The following KRIT1 variants were observed in gnomAD, a reference collection of about 807,000 sequenced individuals.
KRIT1 encodes the protein krev interaction trapped protein 1.
KRIT1 carries 45 observed loss-of-function variants against 95.8 expected under a neutral mutation model. That is an observed-to-expected ratio of 0.47 (90% confidence interval 0.37 to 0.60). KRIT1 has a LOEUF of 0.60. KRIT1 is among the 20% of genes least tolerant of loss of function. The pLI, the probability that KRIT1 is intolerant of heterozygous loss-of-function variation, is 0.00. For synonymous variants in KRIT1, 282 were observed against 278.8 expected (o/e 1.01, Z -0.11); for missense variants, 788 against 877.5 (o/e 0.90, Z 1.29).
chr7:92,212,052 C>T (rs1792974882), intron 17 of KRIT1, among the ~76,000 whole-genome samples: 1 of 152,064 alleles, frequency 6.6e-6, no homozygotes, highest in South Asian at 2.1e-4. Flanking sequence ...CTGCAGTGAG[C>T]TATGATTGCA....
At position 92,200,058 on chromosome 7, in the gene KRIT1, T is replaced by A. The variant is rs1346873274; in HGVS notation, c.*678A>T. 2.0e-5 allele frequency: 3 copies of A among 152,796 alleles called. No individual in the cohort carries two copies. The East Asian group carries it at 5.8e-4, about 29-fold the overall frequency. The allele number at this position is 152,796 out of a possible 1,614,324, so 9.5% of individuals were successfully genotyped here. A position where few individuals can be genotyped will look rare whatever the true frequency, so the allele number is the denominator to read the frequency against. On this transcript the variant is annotated 3_prime_UTR_variant, in exon 19 of 19. Coordinates refer to ENST00000394505, the MANE Select transcript of KRIT1 (RefSeq NM_194454.3). ...TTCTTTATTCAAATCATGTTGACGT[T>A]CAGTATATTTTGAAATACACATGAA...
chr7:92,216,599 A>G (rs1466260880), intron 14 of KRIT1, among the ~76,000 whole-genome samples: 1 of 152,140 alleles, frequency 6.6e-6, no homozygotes, highest in Non-Finnish European at 1.5e-5. Flanking sequence ...TTATTCTTAG[A>G]AGATGCACGT....
At position 92,207,534 on chromosome 7, in the gene KRIT1, A is replaced by G. The variant is rs1791833156; in HGVS notation, c.2025+5661T>C. On this transcript the variant is annotated intron_variant, in intron 17 of 18. Transcript: ENST00000394505. ...TGGATCAAAATAAATTAACAAAAAA[A>G]CACTGGATTTAAACTGCACTTTAGA... 3.3e-5 allele frequency among the ~76,000 whole-genome samples: 5 copies of G among 152,216 alleles called. No individual in the cohort carries two copies. The South Asian group carries it at 1.0e-3, about 31-fold the overall frequency.
chr7:92,243,635 T>C (rs1300376266), intron 3 of KRIT1, among the ~76,000 whole-genome samples: 1 of 152,140 alleles, frequency 6.6e-6, no homozygotes, highest in Non-Finnish European at 1.5e-5. Flanking sequence ...CCCTAAATAA[T>C]AATTAAAAAG....
chr7:92,228,668 G>A (rs931062146), intron 10 of KRIT1, among the ~76,000 whole-genome samples: 7 of 152,108 alleles, frequency 4.6e-5, no homozygotes, highest in South Asian at 2.1e-4. Context: ...GGGGTGTGTC[G>A]TACAGATTAT....
chr7:92,226,020 A>C (rs1175082356), intron 11 of KRIT1, among the ~76,000 whole-genome samples, 193 bp from the exon 12 acceptor site: 1 of 152,220 alleles, frequency 6.6e-6, no homozygotes, highest in Non-Finnish European at 1.5e-5. Flanking sequence ...TCAAAGCACT[A>C]ATCAATGTGA....
chr7:92,230,085 T>C (rs1796972713), intron 10 of KRIT1, among the ~76,000 whole-genome samples: 1 of 152,148 alleles, frequency 6.6e-6, no homozygotes, highest in Non-Finnish European at 1.5e-5. Flanking sequence ...ATAATAAAAA[T>C]AATACAAACA....
chr7:92,225,573 G>T (rs1212023173), intron 12 of KRIT1, 147 bp downstream of exon 12: 1 of 645,072 alleles, frequency 1.6e-6, no homozygotes, highest in South Asian at 1.7e-5. Flanking sequence ...GATTACAGGT[G>T]TGAGCCACCA....
chr7:92,244,485 T>C (rs1800417082), intron 2 of KRIT1, among the ~76,000 whole-genome samples: 2 of 152,234 alleles, frequency 1.3e-5, no homozygotes, highest in Admixed American at 6.5e-5. Flanking sequence ...CCAAATACTT[T>C]TTTACCATAT....
chr7:92,238,771 T>G (rs1798960618), intron 5 of KRIT1, among the ~76,000 whole-genome samples: 1 of 152,212 alleles, frequency 6.6e-6, no homozygotes, highest in Non-Finnish European at 1.5e-5. Flanking sequence ...ACTGACAAGT[T>G]AGGAGATGAA....
intron 3 of KRIT1, among the ~76,000 whole-genome samples, chr7:92,242,846 C>T (rs541527467): frequency 2.6e-4 from 40 of 152,274 alleles, no homozygotes; most frequent in African/African-American, 8.9e-4. Context: ...GACAGAGTCT[C>T]GCTCTGTCAC....
rs1005985855 is a variant in KRIT1, at chr7:92,213,875, T to G, written c.1818+17A>C. ...CTAGCCTATAAAATGTCTTTTCATT[T>G]CTATTAAACAGCTTACCTTGTATTC... On this transcript the variant is annotated intron_variant, in intron 16 of 18. Transcript: ENST00000394505. 2.7e-6 allele frequency: 4 copies of G among 1,469,042 alleles called. No individual in the cohort carries two copies. Among genetic ancestry groups the G allele is most frequent in the Non-Finnish European group, 3.8e-6 (4 of 1,048,060 alleles). 91.0% of individuals were successfully genotyped at this position (1,469,042 alleles called of 1,614,324 possible). A position where few individuals can be genotyped will look rare whatever the true frequency, so the allele number is the denominator to read the frequency against.
At chr7:92,230,452 T>C (rs932258128) in intron 10 of KRIT1, among the ~76,000 whole-genome samples, 3 of 152,106 alleles carry the variant, frequency 2.0e-5, no homozygotes, top group African/African-American at 4.8e-5. Flanking sequence ...AAATGAAAAG[T>C]AGTCAAGAAT....
At chr7:92,240,771 A>G in intron 5 of KRIT1, 1 of 562,962 alleles carries the variant, frequency 1.8e-6, no homozygotes, top group Non-Finnish European at 3.1e-6. Context: ...ACTTCACATC[A>G]ACATTGTGAA....
intron 16 of KRIT1, 72 bp downstream of exon 16, chr7:92,213,820 A>C: frequency 1.1e-6 from 1 of 900,958 alleles, no homozygotes; most frequent in East Asian, 2.4e-5. Flanking sequence ...ACCTCTGTTT[A>C]AAATATTTAT....
At chr7:92,235,009 T>C in intron 8 of KRIT1, 86 bp from the exon 9 acceptor site, 1 of 733,958 alleles carries the variant, frequency 1.4e-6, no homozygotes, top group East Asian at 2.7e-5. Context: ...TTTTACTTAT[T>C]TATTTATTGA....
intron 14 of KRIT1, among the ~76,000 whole-genome samples, chr7:92,219,089 C>T (rs187859780): frequency 9.0e-4 from 137 of 152,292 alleles, no homozygotes; most frequent in African/African-American, 3.2e-3. Context: ...CCCCCTCCAC[C>T]TCCCGGGTTC....
At chr7:92,227,888 T>C (rs1796513015) in intron 10 of KRIT1, among the ~76,000 whole-genome samples, 1 of 152,002 alleles carries the variant, frequency 6.6e-6, no homozygotes, top group Admixed American at 6.5e-5. Flanking sequence ...GGCAGACACC[T>C]GTAATCCCAG....
intron 17 of KRIT1, among the ~76,000 whole-genome samples, chr7:92,208,574 T>C (rs1242582488): frequency 6.6e-6 from 1 of 152,054 alleles, no homozygotes; most frequent in Non-Finnish European, 1.5e-5. Flanking sequence ...TAGAGACTAT[T>C]AGGACCAATG....
Sources: gnomAD v4.1 joint callset for allele counts (sites outside exome capture counted in the v4.1 genomes callset) on GRCh38, gnomAD v4.1.1 for gene constraint, MANE v1.5 for transcripts, NCBI Gene and HGNC (gene_info 2026-07-23, HGNC 2026-07-21) for gene names.